CFAP20DC: variants seen among roughly 807,000 people sequenced by gnomAD.
CFAP20DC encodes the protein CFAP20 domain containing, also known as protein CFAP20DC.
CFAP20DC carries 84 observed loss-of-function variants against 101.7 expected under a neutral mutation model. That is an observed-to-expected ratio of 0.83 (90% CI 0.69 to 0.99). The LOEUF is 0.99. Ranked by LOEUF, CFAP20DC falls within the 50% of genes least tolerant of loss-of-function variation. CFAP20DC has a pLI of 0.00. For synonymous variants in CFAP20DC, 359 were observed against 351.2 expected, an observed-to-expected ratio of 1.02 and a Z score of -0.25; for missense variants, 1,007 against 970.3, an observed-to-expected ratio of 1.04 and a Z score of -0.50.
In CFAP20DC at chr3:58,721,661, G is replaced by C. The variant is rs1294860963; in HGVS notation, c.198-4033C>G. On this transcript the variant is annotated intron_variant, in intron 3 of 3. Coordinates refer to the CFAP20DC transcript ENST00000486145. The surrounding 1 kb of genome is among the most constrained non-coding windows in gnomAD (Gnocchi z 5.2). ...GAGCCATGTGGTCCAGACAAATCTG[G>C]AGGGAGGGGGAGGACTGTATCCCAC... Among the ~76,000 whole-genome samples, 2 of 152,220 alleles carry C rather than the reference G, an allele frequency of 1.3e-5. No homozygotes were observed. Among genetic ancestry groups the C allele is most frequent in the Admixed American group, 1.3e-4 (2 of 15,290 alleles).
rs544405322 is a variant in CFAP20DC at position 58,788,145 on chromosome 3, A to T, written c.2237+18250T>A. ...TGTCCCAGAACTTAAAGTACAATTT[A>T]AAAAAAAAAAAGAGGAAGAAAACAC... On this transcript the variant is annotated intron_variant, in intron 15 of 16. Coordinates refer to ENST00000482387, the MANE Select transcript of CFAP20DC (RefSeq NM_001394063.1). The surrounding 1 kb of genome is among the most constrained non-coding windows in gnomAD (Gnocchi z 4.2). 2.4e-4 allele frequency among the ~76,000 whole-genome samples: 34 copies of T among 141,088 alleles called. No individual in the cohort carries two copies. The highest frequency in any genetic ancestry group is 4.9e-4 in the Admixed American group (7 of 14,176). The allele number at this position is 141,088 out of a possible 152,430, so 92.6% of individuals were successfully genotyped here. A position where few individuals can be genotyped will look rare whatever the true frequency, so the allele number is the denominator to read the frequency against.
At chr3:58,900,238 G>T (rs920827864) in intron 6 of CFAP20DC, among the ~76,000 whole-genome samples, 2 of 152,166 alleles carry the variant, frequency 1.3e-5, no homozygotes, top group African/African-American at 4.8e-5. Flanking sequence ...TGAATGACTG[G>T]AGAATCCTAA....
chr3:58,978,716 CAAAA>C (rs201916298), intron 4 of CFAP20DC, among the ~76,000 whole-genome samples: 1 of 66,544 alleles, frequency 1.5e-5, no homozygotes, highest in African/African-American at 4.6e-5. Flanking sequence ...TCCCTGTCTG[CAAAA>C]AAAAAAAAAA....
intron 14 of CFAP20DC, among the ~76,000 whole-genome samples, chr3:58,821,571 A>C (rs1276402903): frequency 6.7e-6 from 1 of 150,084 alleles, no homozygotes; most frequent in African/African-American, 2.4e-5. Flanking sequence ...CCATCAGAGA[A>C]ATGCAAATCA....
intron 6 of CFAP20DC, among the ~76,000 whole-genome samples, chr3:58,904,643 A>C (rs899650426): frequency 2.0e-5 from 3 of 152,196 alleles, no homozygotes; most frequent in African/African-American, 7.2e-5. Context: ...AAAACCACAA[A>C]ATCATTCTGA....
chr3:58,741,528 G>T (rs554651453), downstream of CFAP20DC, among the ~76,000 whole-genome samples: 2 of 149,494 alleles, frequency 1.3e-5, no homozygotes, highest in African/African-American at 2.5e-5. Context: ...ACAGAGTCTC[G>T]CTCTGTTGCC....
chr3:58,935,922 T>C (rs1246410056), intron 5 of CFAP20DC, among the ~76,000 whole-genome samples: 1 of 151,612 alleles, frequency 6.6e-6, no homozygotes, highest in East Asian at 1.9e-4. Context: ...AATTGACAAA[T>C]TGGATCTAAT....
chr3:59,049,760 G>C lies in CFAP20DC; in HGVS notation c.-129C>G, dbSNP rs1700165046. 6 of 1,156,892 alleles carry C rather than the reference G, an allele frequency of 5.2e-6. No individual in the cohort carries two copies. The allele number at this position is 1,156,892 out of a possible 1,614,324, so 71.7% of individuals were successfully genotyped here. The stretch of plus-strand genomic sequence containing the variant: ...ACGGGTGGGAAAGGGCTTCGTGCTT[G>C]GCCCAGACTTGGGCAGGCTCTTCTC... On this transcript the variant is annotated 5_prime_UTR_variant, in exon 1 of 17. Coordinates refer to ENST00000482387, the MANE Select transcript of CFAP20DC (RefSeq NM_001394063.1).
At position 59,015,238 on chromosome 3, in the gene CFAP20DC, T is replaced by C. The variant is rs998367276; in HGVS notation, c.278+24319A>G. Among the ~76,000 whole-genome samples the C allele has an allele frequency of 1.3e-5, 2 of 152,092 alleles. No homozygotes were observed. The highest frequency in any genetic ancestry group is 4.8e-5 in the African/African-American group (2 of 41,418). ...GATAGAACTAGCATTTACCATTTCC[T>C]GTGGCCCTCAGGCACCCACTTTCTC... On this transcript the variant is annotated intron_variant, in intron 4 of 16. Transcript: ENST00000482387. This position sits in a 1 kb window ranked among gnomAD's most constrained non-coding sequence, Gnocchi z 5.4.
intron 4 of CFAP20DC, among the ~76,000 whole-genome samples, chr3:58,949,883 C>G (rs1318974192): frequency 2.0e-5 from 3 of 152,156 alleles, no homozygotes; most frequent in East Asian, 1.9e-4. Flanking sequence ...CCCTCTCTCA[C>G]CACTCCTATT....
At chr3:58,725,045 A>T (rs2067529712) in intron 3 of CFAP20DC, among the ~76,000 whole-genome samples, 1 of 152,236 alleles carries the variant, frequency 6.6e-6, no homozygotes, top group Non-Finnish European at 1.5e-5. Flanking sequence ...TATGGCAATA[A>T]TAGCTTGGTA....
chr3:59,039,602 A>G lies in CFAP20DC; in HGVS notation c.233T>C (p.Leu78Pro), dbSNP rs1291618349. Residue 78 changes from leucine to proline, a missense_variant, in exon 4 of 17, where the codon CTT becomes CCT. Coordinates refer to ENST00000482387, the MANE Select transcript of CFAP20DC (RefSeq NM_001394063.1). ...TTGTCCCAGGGGTACGTAAATCTGA[A>G]GTACAAGAAACCTCTGGATCAATCC... ...SLGLIQRFLV[L>P]QIYVPLGQDF... 2.0e-6 allele frequency: 3 copies of G among 1,528,588 alleles called. No homozygotes were observed. The highest frequency in any genetic ancestry group is 2.8e-5 in the African/African-American group (2 of 72,686). 94.7% of individuals were successfully genotyped at this position (1,528,588 alleles called of 1,614,324 possible).
chr3:58,848,295 C>T (rs567340673), intron 13 of CFAP20DC, among the ~76,000 whole-genome samples: 75 of 152,262 alleles, frequency 4.9e-4, no homozygotes, highest in South Asian at 1.7e-3. Flanking sequence ...AATTAATCCA[C>T]TCTAACTTGC....
At chr3:58,855,995 T>C (rs1448266144) in intron 12 of CFAP20DC, among the ~76,000 whole-genome samples, 1 of 135,268 alleles carries the variant, frequency 7.4e-6, no homozygotes, top group Non-Finnish European at 1.6e-5. Context: ...TAAAAAAAAA[T>C]AAAAAAAAGA....
intron 6 of CFAP20DC, among the ~76,000 whole-genome samples, chr3:58,889,055 T>C (rs1301793656): frequency 2.0e-5 from 3 of 152,108 alleles, no homozygotes; most frequent in East Asian, 3.8e-4. Flanking sequence ...AAAATCTTAA[T>C]TCAACATGTT....
rs990617544 is a variant in CFAP20DC at position 58,799,698 on chromosome 3, G to A, written c.2237+6697C>T. Among the ~76,000 whole-genome samples, 2 of 151,310 alleles carry A rather than the reference G, an allele frequency of 1.3e-5. No individual in the cohort carries two copies. Among genetic ancestry groups the A allele is most frequent in the African/African-American group, 2.4e-5 (1 of 41,016 alleles). ...GCATGCAGTTTACATTCCAGCATTC[G>A]AGAAGGAGCAGTGTGTGTGTGTCTG... On this transcript the variant is annotated intron_variant, in intron 15 of 16. Coordinates refer to ENST00000482387, the MANE Select transcript of CFAP20DC (RefSeq NM_001394063.1). This position sits in a 1 kb window ranked among gnomAD's most constrained non-coding sequence, Gnocchi z 4.9.
chr3:58,945,677 C>G (rs1203973005), intron 4 of CFAP20DC, among the ~76,000 whole-genome samples: 2 of 151,622 alleles, frequency 1.3e-5, no homozygotes, highest in African/African-American at 4.9e-5. Context: ...TTAGCTGCCA[C>G]ATGCTGTCAA....
chr3:58,741,499 ATT>A (rs570289689), downstream of CFAP20DC, among the ~76,000 whole-genome samples: 8 of 142,910 alleles, frequency 5.6e-5, no homozygotes, highest in Admixed American at 7.1e-5. Flanking sequence ...TTGTCAAAAT[ATT>A]TTTTTTTTTT....
chr3:58,849,510 A>G, intron 12 of CFAP20DC, 101 bp from the exon 13 acceptor site: 1 of 892,212 alleles, frequency 1.1e-6, no homozygotes, highest in Admixed American at 3.0e-5. Flanking sequence ...CTATGAATAA[A>G]GCAAAAGCAT....
Sources: gnomAD v4.1 joint callset for allele counts (sites outside exome capture counted in the v4.1 genomes callset) on GRCh38, gnomAD v4.1.1 for gene constraint, Gnocchi (gnomAD v3.1) non-coding constraint, MANE v1.5 for transcripts, NCBI Gene and HGNC (gene_info 2026-07-23, HGNC 2026-07-21) for gene names.